FAM20C: variants seen among roughly 807,000 people sequenced by gnomAD.
The protein encoded by FAM20C is extracellular serine/threonine protein kinase FAM20C.
Under a neutral mutation model 51.5 loss-of-function variants are expected in FAM20C, and 40 were observed. That is an observed-to-expected ratio of 0.78 (90% CI 0.60 to 1.01). The LOEUF (loss-of-function observed/expected upper bound fraction) is 1.01. Among genes scored for constraint, FAM20C ranks in the 50% least tolerant of loss-of-function variants. The probability of loss-of-function intolerance (pLI) is 0.00; values close to 1 mark genes in which losing one functional copy is unlikely to be tolerated. For synonymous variants in FAM20C, 406 were observed against 380.6 expected (o/e 1.07, Z -0.78); for missense variants, 861 against 844.7 (o/e 1.02, Z -0.24).
At chr7:216,645 G>A (rs554756270) in intron 3 of FAM20C, among the ~76,000 whole-genome samples, 1 of 149,348 alleles carries the variant, frequency 6.7e-6, no homozygotes, top group African/African-American at 2.5e-5. Flanking sequence ...GTGTGTGAGT[G>A]TGTGTGAGTG....
chr7:220,821 G>A (rs1215860980), intron 3 of FAM20C, among the ~76,000 whole-genome samples: 1 of 152,222 alleles, frequency 6.6e-6, no homozygotes, highest in Non-Finnish European at 1.5e-5. Context: ...TTTTCCCTGG[G>A]CACCCAGCCG....
chr7:234,782 G>A lies in FAM20C; in HGVS notation c.864-11633G>A, dbSNP rs944479686. 6.6e-5 allele frequency among the ~76,000 whole-genome samples: 10 copies of A among 152,284 alleles called. No individual in the cohort carries two copies. In the South Asian group the frequency reaches 1.9e-3, roughly 28 times the overall value. On this transcript the variant is annotated intron_variant, in intron 3 of 9. Transcript: ENST00000313766. Reference sequence around the variant, plus strand: ...CAGAGTCACGTGGAAGGTTTGGGACGGACAGCCCCAGCCCAGGCCCTCCCT... The same window carrying A: ...CAGAGTCACGTGGAAGGTTTGGGACAGACAGCCCCAGCCCAGGCCCTCCCT...
chr7:248,275 C>A (rs768470051), intron 4 of FAM20C, 40 bp from the exon 5 acceptor site: 14 of 1,447,310 alleles, frequency 9.7e-6, no homozygotes, highest in Admixed American at 4.0e-5. Flanking sequence ...CCCGCTGAGC[C>A]GCACAGAGCA....
intron 3 of FAM20C, among the ~76,000 whole-genome samples, chr7:230,904 C>G (rs1336028230): frequency 6.6e-6 from 1 of 152,176 alleles, no homozygotes. Flanking sequence ...GGAAAAGCGC[C>G]ACATCAACCT....
chr7:242,902 G>C (rs564265938), intron 3 of FAM20C, among the ~76,000 whole-genome samples: 1 of 152,318 alleles, frequency 6.6e-6, no homozygotes, highest in East Asian at 1.9e-4. Context: ...AGGGGACCTG[G>C]CCAGGGCGAG....
chr7:243,021 G>A (rs1278885323), intron 3 of FAM20C, among the ~76,000 whole-genome samples: 3 of 141,308 alleles, frequency 2.1e-5, no homozygotes, highest in African/African-American at 8.1e-5. Flanking sequence ...CAGGAGACCT[G>A]TGCTAACCAG....
intron 6 of FAM20C, 92 bp downstream of exon 6, chr7:256,121 G>A (rs1562399591): frequency 1.4e-6 from 2 of 1,448,066 alleles, no homozygotes; most frequent in Non-Finnish European, 1.8e-6. Context: ...GCCCACGGGG[G>A]TGGCAGAGAT....
intron 2 of FAM20C, among the ~76,000 whole-genome samples, chr7:207,528 CTGAG>C (rs1266505857): frequency 6.6e-6 from 1 of 152,152 alleles, no homozygotes; most frequent in African/African-American, 2.4e-5. Context: ...GAGGCTGCTC[CTGAG>C]CTGCGCCCAG....
Position 255,837 on chromosome 7 carries a change from G to C in FAM20C, c.1073-12G>C. The stretch of plus-strand genomic sequence containing the variant: ...GTGCGGCCCTGGTAACCCGCAGCCT[G>C]TCCCTCCCCAGCCAACAACATCTGC... On this transcript the variant is annotated splice_polypyrimidine_tract_variant and intron_variant, in intron 5 of 9. Coordinates refer to ENST00000313766, the MANE Select transcript of FAM20C (RefSeq NM_020223.4). The C allele has an allele frequency of 3.3e-6, 5 of 1,536,176 alleles. No individual in the cohort carries two copies. The highest frequency in any genetic ancestry group is 3.5e-6 in the Non-Finnish European group (4 of 1,146,808).
intron 3 of FAM20C, among the ~76,000 whole-genome samples, chr7:218,831 C>T (rs951406623): frequency 2.0e-5 from 3 of 146,974 alleles, no homozygotes; most frequent in African/African-American, 5.0e-5. Context: ...CACTCCGGTC[C>T]GGCCGGGAGC....
intron 4 of FAM20C, among the ~76,000 whole-genome samples, chr7:246,733 C>A (rs983242047): frequency 1.3e-5 from 2 of 151,320 alleles, no homozygotes; most frequent in Non-Finnish European, 1.5e-5. Context: ...GCTCTCCCCC[C>A]ACCCCGAGTG....
rs181365191 is a variant in FAM20C, at chr7:210,899, G to A, written c.863+1923G>A. Among the ~76,000 whole-genome samples the A allele has an allele frequency of 4.3e-4, 65 of 152,296 alleles. No homozygotes were observed. In the East Asian group the frequency reaches 0.011, roughly 26 times the overall value. On this transcript the variant is annotated intron_variant, in intron 3 of 9. Coordinates refer to ENST00000313766, the MANE Select transcript of FAM20C (RefSeq NM_020223.4). ...GGGAACCGGCGTCTCGTGGGCACTC[G>A]GTAGCTGTGGGCCCGGCCTGTGCTT...
chr7:206,619 A>G (rs372967636), intron 2 of FAM20C, among the ~76,000 whole-genome samples: 2,855 of 99,184 alleles, frequency 0.029, 61 homozygotes, highest in East Asian at 0.072. Context: ...CGCGTCTGTC[A>G]TGGTCCCCTC....
At chr7:242,892 A>G (rs923695577) in intron 3 of FAM20C, among the ~76,000 whole-genome samples, 48 of 152,266 alleles carry the variant, frequency 3.2e-4, no homozygotes, top group African/African-American at 9.9e-4. Context: ...CTGTGTGTCC[A>G]GGGGACCTGG....
chr7:217,208 AG>A (rs1787024381), intron 3 of FAM20C, among the ~76,000 whole-genome samples: 1 of 151,936 alleles, frequency 6.6e-6, no homozygotes, highest in South Asian at 2.1e-4. Flanking sequence ...CCTGTGGGGG[AG>A]GCGGACACAG....
At chr7:236,528 G>A (rs1418793624) in intron 3 of FAM20C, among the ~76,000 whole-genome samples, 1 of 152,156 alleles carries the variant, frequency 6.6e-6, no homozygotes, top group Non-Finnish European at 1.5e-5. Context: ...CCTCACCTGG[G>A]GACCCCCTGG....
intron 1 of FAM20C, 175 bp downstream of exon 1, chr7:193,979 C>G: frequency 9.5e-7 from 1 of 1,054,656 alleles, no homozygotes; most frequent in Non-Finnish European, 1.3e-6. Flanking sequence ...CCAGAATAAC[C>G]TCCTCCTTGG....
In FAM20C at chr7:195,742, C is replaced by T. The variant is rs1447506854; in HGVS notation, c.784+10C>T. On this transcript the variant is annotated intron_variant, in intron 2 of 9. Coordinates refer to ENST00000313766, the MANE Select transcript of FAM20C (RefSeq NM_020223.4). ...AGGATCACCAGCGTGGGTAGGTGTCCTTGGGTGCACTCAGGGCCGTCTGTG... is the reference window on the plus strand; with the variant it reads ...AGGATCACCAGCGTGGGTAGGTGTCTTTGGGTGCACTCAGGGCCGTCTGTG... 1 of 1,590,100 alleles carries T rather than the reference C, an allele frequency of 6.3e-7. No individual in the cohort carries two copies. Among genetic ancestry groups the T allele is most frequent in the East Asian group, 2.3e-5 (1 of 43,754 alleles).
intron 5 of FAM20C, among the ~76,000 whole-genome samples, chr7:253,978 G>C (rs1788499382): frequency 1.3e-5 from 2 of 152,228 alleles, no homozygotes; most frequent in African/African-American, 4.8e-5. Context: ...CGACTAATCT[G>C]TATCAGCACG....
Sources: gnomAD v4.1 joint callset for allele counts (sites outside exome capture counted in the v4.1 genomes callset) on GRCh38, gnomAD v4.1.1 for gene constraint, MANE v1.5 for transcripts, NCBI Gene and HGNC (gene_info 2026-07-23, HGNC 2026-07-21) for gene names.